LANCL3: variants seen among roughly 807,000 people sequenced by gnomAD.
LANCL3 encodes LanC like family member 3.
In LANCL3, 19 loss-of-function variants were observed where a neutral mutation model predicts 26.5. That is an observed-to-expected ratio of 0.72 (90% confidence interval 0.50 to 1.05). The LOEUF is 1.05. Among genes scored for constraint, LANCL3 ranks in the 50% least tolerant of loss-of-function variants. LANCL3 has a pLI of 0.00. For synonymous variants in LANCL3, 160 were observed against 166.6 expected (o/e 0.96, Z 0.30); for missense variants, 318 against 362.7 (o/e 0.88, Z 1.00).
At chrX:37,647,057 G>A (rs1163456903) in intron 1 of LANCL3, among the ~76,000 whole-genome samples, 7 of 112,208 alleles carry the variant, frequency 6.2e-5, no homozygotes, top group Non-Finnish European at 1.1e-4. Context: ...GCTCACACCT[G>A]TAATCCCAGC....
At chrX:37,582,043 G>C (rs1254571501) in intron 1 of LANCL3, among the ~76,000 whole-genome samples, 1 of 110,969 alleles carries the variant, frequency 9.0e-6, no homozygotes, top group Non-Finnish European at 1.9e-5. Flanking sequence ...TTGGTTTTCT[G>C]TCCTTGCGAT....
intron 4 of LANCL3, chrX:37,668,375 C>T: frequency 2.6e-6 from 1 of 387,804 alleles, no homozygotes; most frequent in Non-Finnish European, 4.7e-6. Flanking sequence ...TAGTTCATTC[C>T]CTGTAAACTT....
chrX:37,644,139 G>T (rs115828788), intron 1 of LANCL3, among the ~76,000 whole-genome samples: 1,701 of 111,077 alleles, frequency 0.015, 37 homozygotes, highest in African/African-American at 0.052. Flanking sequence ...GAGAACCATA[G>T]AGCTTGGAAC....
At chrX:37,637,112 G>T (rs1222070671) in intron 1 of LANCL3, among the ~76,000 whole-genome samples, 3 of 111,614 alleles carry the variant, frequency 2.7e-5, no homozygotes, top group African/African-American at 9.8e-5. Context: ...CCTAGGTGGT[G>T]GAGCACAAAA....
At chrX:37,664,264 G>C (rs1926486974) in intron 3 of LANCL3, among the ~76,000 whole-genome samples, 1 of 111,537 alleles carries the variant, frequency 9.0e-6, no homozygotes. Context: ...CTTCTACCAA[G>C]TGTGTGCTAG....
At chrX:37,592,204 C>G (rs1200061462) in intron 1 of LANCL3, among the ~76,000 whole-genome samples, 7 of 111,940 alleles carry the variant, frequency 6.3e-5, no homozygotes, top group Admixed American at 2.9e-4. Flanking sequence ...ATGTGGTTAT[C>G]AGATACATTC....
intron 1 of LANCL3, among the ~76,000 whole-genome samples, chrX:37,603,832 G>A (rs1556420284): frequency 8.9e-6 from 1 of 112,418 alleles, no homozygotes; most frequent in African/African-American, 3.2e-5. Context: ...TGATAGGCAT[G>A]AGCACATTCA....
At chrX:37,594,752 G>A (rs1924379437) in intron 1 of LANCL3, among the ~76,000 whole-genome samples, 2 of 111,938 alleles carry the variant, frequency 1.8e-5, no homozygotes, top group Admixed American at 9.5e-5. Flanking sequence ...AACCAGTCTT[G>A]GGGATTCAGG....
intron 1 of LANCL3, among the ~76,000 whole-genome samples, chrX:37,574,744 C>G (rs1186531063): frequency 1.8e-5 from 2 of 110,414 alleles, no homozygotes; most frequent in African/African-American, 6.6e-5. Flanking sequence ...CACTCCTACT[C>G]TACTCCTTGC....
chrX:37,658,877 G>C (rs1926348310), intron 2 of LANCL3, among the ~76,000 whole-genome samples: 1 of 112,318 alleles, frequency 8.9e-6, no homozygotes, highest in Non-Finnish European at 1.9e-5. Context: ...TTACAAAAGA[G>C]GGATTTAGTC....
chrX:37,605,051 T>C (rs530206959), intron 1 of LANCL3, among the ~76,000 whole-genome samples: 2 of 111,788 alleles, frequency 1.8e-5, no homozygotes, highest in Admixed American at 1.9e-4. Flanking sequence ...GGGCAGATGC[T>C]GAGGAGTATT....
chrX:37,632,899 T>C (rs1556424792), intron 1 of LANCL3, among the ~76,000 whole-genome samples: 1 of 111,639 alleles, frequency 9.0e-6, no homozygotes, highest in Admixed American at 9.5e-5. Flanking sequence ...TTTTCCTTCA[T>C]TTCAACTTTG....
At chrX:37,631,843 A>G (rs1925524689) in intron 1 of LANCL3, among the ~76,000 whole-genome samples, 1 of 110,553 alleles carries the variant, frequency 9.0e-6, no homozygotes, top group African/African-American at 3.3e-5. Flanking sequence ...CTGTTCTTTT[A>G]CATTTGCTGA....
chrX:37,644,066 C>G (rs1925933153), intron 1 of LANCL3, among the ~76,000 whole-genome samples: 1 of 111,833 alleles, frequency 8.9e-6, no homozygotes, highest in Non-Finnish European at 1.9e-5. Flanking sequence ...ACCCCCAAGT[C>G]CCTGTTTATC....
intron 4 of LANCL3, among the ~76,000 whole-genome samples, chrX:37,669,897 C>T (rs184295247): frequency 5.7e-4 from 64 of 112,262 alleles, no homozygotes; most frequent in African/African-American, 1.9e-3. Flanking sequence ...ACCACCTCCC[C>T]GCTATGTTTG....
intron 1 of LANCL3, among the ~76,000 whole-genome samples, chrX:37,605,487 C>G (rs1420000236): frequency 9.0e-6 from 1 of 111,286 alleles, no homozygotes; most frequent in African/African-American, 3.3e-5. Flanking sequence ...TTTAGTTATC[C>G]TACTCTTATT....
chrX:37,655,910 C>T, intron 2 of LANCL3, 99 bp downstream of exon 2: 1 of 729,793 alleles, frequency 1.4e-6, no homozygotes, highest in African/African-American at 2.2e-5. Flanking sequence ...TAGGTCATTA[C>T]TAGTCATTTA....
At chrX:37,599,737 G>C (rs1924532987) in intron 1 of LANCL3, among the ~76,000 whole-genome samples, 1 of 112,214 alleles carries the variant, frequency 8.9e-6, no homozygotes, top group Non-Finnish European at 1.9e-5. Context: ...ATGTGATCAT[G>C]TTTGGTTAGA....
rs1157089896 is a variant in LANCL3 at position 37,676,931 on chromosome X, G to A, written c.*1118G>A. On this transcript the variant is annotated 3_prime_UTR_variant, in exon 5 of 5. Transcript: ENST00000378619. ...AAGTTGTCATATCAAATTCAACCCTGCTGTAAACACATAGAAGTTGTGAAA... is the reference window on the plus strand; with the variant it reads ...AAGTTGTCATATCAAATTCAACCCTACTGTAAACACATAGAAGTTGTGAAA... The A allele has an allele frequency of 8.9e-6, 1 of 111,910 alleles. No individual in the cohort carries two copies. The allele number at this position is 111,910 out of a possible 1,213,427, so 9.2% of individuals were successfully genotyped here. A position where few individuals can be genotyped will look rare whatever the true frequency, so the allele number is the denominator to read the frequency against.
Sources: allele counts gnomAD v4.1 joint callset (sites outside exome capture counted in the v4.1 genomes callset), GRCh38; gene constraint gnomAD v4.1.1; transcripts MANE v1.5; gene names NCBI Gene and HGNC (gene_info 2026-07-23, HGNC 2026-07-21).